The following DACH1 variants were observed in gnomAD, a reference collection of about 807,000 sequenced individuals.
DACH1 encodes dachshund homolog 1.
DACH1 carries 12 observed loss-of-function variants against 54.2 expected under a neutral mutation model. The observed-to-expected ratio is 0.22, with a 90% CI of 0.14 to 0.36. DACH1 has a LOEUF of 0.36. Among genes scored for constraint, DACH1 ranks in the 10% least tolerant of loss-of-function variants. DACH1 has a pLI of 1.00. For missense variants in DACH1, 805 were observed against 929.8 expected (o/e 0.87, Z 1.75); for synonymous variants, 386 against 366.2 (o/e 1.05, Z -0.62).
intron 1 of DACH1, among the ~76,000 whole-genome samples, chr13:71,741,935 T>C (rs577804319): frequency 2.6e-4 from 39 of 152,244 alleles, no homozygotes; most frequent in African/African-American, 9.4e-4. Flanking sequence ...CAGACTGATA[T>C]GGTTCAGCTG....
At chr13:71,495,640 T>G (rs556966204) in intron 6 of DACH1, among the ~76,000 whole-genome samples, 3 of 151,956 alleles carry the variant, frequency 2.0e-5, no homozygotes, top group Non-Finnish European at 2.9e-5. Flanking sequence ...AATAATAAAT[T>G]TTACAGAAAG....
chr13:71,754,741 G>GA lies in DACH1; in HGVS notation c.849-72832dup, dbSNP rs1297965689. On this transcript the variant is annotated intron_variant, in intron 1 of 10. Transcript: ENST00000613252. ...AATTATATCTTTTAGACATAACCAG[G>GA]AAAAAAAAAAAGGCACAAATATATC... 1.4e-3 allele frequency among the ~76,000 whole-genome samples: 196 copies of GA among 139,492 alleles called. 1 individual carries two copies. Among genetic ancestry groups the GA allele is most frequent in the East Asian group, 0.011 (53 of 4,746 alleles). 91.5% of individuals were successfully genotyped at this position (139,492 alleles called of 152,430 possible).
At chr13:71,508,728 A>G (rs1880526981) in intron 6 of DACH1, among the ~76,000 whole-genome samples, 1 of 152,044 alleles carries the variant, frequency 6.6e-6, no homozygotes, top group Admixed American at 6.6e-5. Context: ...CAGCCTCCCA[A>G]TAGTGTTGGA....
intron 1 of DACH1, among the ~76,000 whole-genome samples, chr13:71,691,629 C>A (rs1275171984): frequency 1.3e-5 from 2 of 152,150 alleles, no homozygotes; most frequent in African/African-American, 4.8e-5. Flanking sequence ...AGGTTGTGAA[C>A]CATGGCAATC....
chr13:71,608,441 C>T (rs574164615), intron 3 of DACH1, among the ~76,000 whole-genome samples: 2 of 152,096 alleles, frequency 1.3e-5, no homozygotes, highest in African/African-American at 4.8e-5. Context: ...GAGCTTCTGA[C>T]CTTACTAGAC....
At position 71,596,887 on chromosome 13, in the gene DACH1, A is replaced by C. The variant is rs549976194; in HGVS notation, c.1127-23875T>G. Among the ~76,000 whole-genome samples, 10 of 152,308 alleles carry C rather than the reference A, an allele frequency of 6.6e-5. No individual in the cohort carries two copies. The South Asian group carries it at 1.9e-3, about 28-fold the overall frequency. On this transcript the variant is annotated intron_variant, in intron 3 of 10. Coordinates refer to ENST00000613252, the MANE Select transcript of DACH1 (RefSeq NM_080759.6). ...GTATATAGCTAGGACTTTCAAGGAG[A>C]GGTTGAAGACTTGGAGGGGGCATAA... is the stretch of plus-strand genomic sequence containing the variant.
chr13:71,555,353 T>TG (rs1007224712), intron 6 of DACH1, among the ~76,000 whole-genome samples: 6 of 151,778 alleles, frequency 4.0e-5, no homozygotes, highest in Admixed American at 6.6e-5. Context: ...ATCTTTTCTT[T>TG]TTTTTTTTGA....
chr13:71,451,899 T>C (rs1875091218), intron 10 of DACH1, among the ~76,000 whole-genome samples: 1 of 152,186 alleles, frequency 6.6e-6, no homozygotes, highest in African/African-American at 2.4e-5. Flanking sequence ...AACATCTTTA[T>C]TGTTAATAAA....
rs984114870 is a variant in DACH1 at position 71,717,508 on chromosome 13, A to T, written c.849-35598T>A. 2.7e-4 allele frequency among the ~76,000 whole-genome samples: 29 copies of T among 109,038 alleles called. No individual in the cohort carries two copies. In the South Asian group the frequency reaches 7.7e-3, roughly 29 times the overall value. The allele number at this position is 109,038 out of a possible 152,430, so 71.5% of individuals were successfully genotyped here. A position where few individuals can be genotyped will look rare whatever the true frequency, so the allele number is the denominator to read the frequency against. ...TGCAAGGACCTGTGTGTGTAATCAC[A>T]CACACACACACACACACACACACAC... is the stretch of plus-strand genomic sequence containing the variant. On this transcript the variant is annotated intron_variant, in intron 1 of 10. Transcript: ENST00000613252.
chr13:71,486,961 CA>C (rs1878583594), intron 7 of DACH1, among the ~76,000 whole-genome samples: 1 of 152,006 alleles, frequency 6.6e-6, no homozygotes, highest in African/African-American at 2.4e-5. Flanking sequence ...TCTCCTGCCT[CA>C]ACCTCTCGAG....
intron 6 of DACH1, among the ~76,000 whole-genome samples, chr13:71,519,920 T>C (rs1480200065): frequency 7.1e-6 from 1 of 140,668 alleles, no homozygotes; most frequent in Non-Finnish European, 1.6e-5. Flanking sequence ...CTAACTAACA[T>C]AGCACATATA....
chr13:71,583,794 C>A (rs780654521), intron 3 of DACH1, among the ~76,000 whole-genome samples: 45 of 152,046 alleles, frequency 3.0e-4, no homozygotes, highest in Non-Finnish European at 1.0e-4. Flanking sequence ...ATGACCATGC[C>A]GCTGCATTCC....
At chr13:71,590,999 C>T (rs576897563) in intron 3 of DACH1, among the ~76,000 whole-genome samples, 1 of 151,290 alleles carries the variant, frequency 6.6e-6, no homozygotes, top group East Asian at 2.0e-4. Context: ...CCTCCTCTAC[C>T]TCCCAAGTAG....
At position 71,439,531 on chromosome 13, in the gene DACH1, A is replaced by C. The variant is rs2138089317; in HGVS notation, c.*1124T>G. The C allele has an allele frequency of 6.6e-6, 1 of 152,566 alleles. No homozygotes were observed. Among genetic ancestry groups the C allele is most frequent in the South Asian group, 2.1e-4 (1 of 4,828 alleles). 9.5% of individuals were successfully genotyped at this position (152,566 alleles called of 1,614,324 possible). On this transcript the variant is annotated 3_prime_UTR_variant, in exon 11 of 11. Transcript: ENST00000613252. The stretch of plus-strand genomic sequence containing the variant: ...TTAACATAATATGACGTTAACATAT[A>C]AAAATATTTCTGGTGTTTTGATTTG...
chr13:71,499,130 C>G (rs1451049035), intron 6 of DACH1, among the ~76,000 whole-genome samples: 1 of 45,290 alleles, frequency 2.2e-5, no homozygotes, highest in Non-Finnish European at 6.4e-5. Context: ...CACACACACA[C>G]ACGCAGACAC....
chr13:71,548,736 G>A (rs1166497224), intron 6 of DACH1, among the ~76,000 whole-genome samples: 3 of 152,122 alleles, frequency 2.0e-5, no homozygotes, highest in East Asian at 1.9e-4. Flanking sequence ...AGCCTACATG[G>A]TAAAACCTCA....
At position 71,866,705 on chromosome 13, in the gene DACH1, G is replaced by C. The variant is rs1270054158; in HGVS notation, c.65C>G (p.Thr22Arg). 6.9e-7 allele frequency: 1 copy of C among 1,454,586 alleles called. No individual in the cohort carries two copies. The highest frequency in any genetic ancestry group is 1.5e-5 in the African/African-American group (1 of 68,864). The allele number at this position is 1,454,586 out of a possible 1,614,324, so 90.1% of individuals were successfully genotyped here. ...QLVPPQPPIS[T>R]SASSSGTTTS... is the part of the protein sequence containing the mutation. ...GGTGGTGCCAGAGGAGGAAGCAGAC[G>C]TGGAGATTGGGGGTTGAGGGGGGAC... Residue 22 changes from threonine (T) to arginine (R), a missense_variant, in exon 1 of 11, where the codon ACG becomes AGG. Transcript: ENST00000613252.
intron 1 of DACH1, among the ~76,000 whole-genome samples, chr13:71,689,992 T>C (rs975023365): frequency 3.1e-4 from 47 of 152,164 alleles, no homozygotes; most frequent in African/African-American, 1.1e-3. Flanking sequence ...TAAACTTAGT[T>C]TAAGATATGT....
intron 1 of DACH1, among the ~76,000 whole-genome samples, chr13:71,793,868 T>C (rs968459686): frequency 8.5e-5 from 13 of 152,148 alleles, no homozygotes; most frequent in African/African-American, 2.9e-4. Flanking sequence ...GTTTAGAAAG[T>C]TTAAGTAACT....
Sources: allele counts gnomAD v4.1 joint callset (sites outside exome capture counted in the v4.1 genomes callset), GRCh38; gene constraint gnomAD v4.1.1; transcripts MANE v1.5; gene names NCBI Gene and HGNC (gene_info 2026-07-23, HGNC 2026-07-21).